LARGE1: variants seen among roughly 807,000 people sequenced by gnomAD.
LARGE1 encodes xylosyl- and glucuronyltransferase LARGE1.
LARGE1 carries 43 observed loss-of-function variants against 87.6 expected under a neutral mutation model. The observed-to-expected ratio is 0.49, with a 90% CI of 0.38 to 0.63. The LOEUF is 0.63. Ranked by LOEUF, LARGE1 falls within the 30% of genes least tolerant of loss-of-function variation. The pLI is 0.00. For synonymous variants in LARGE1, 434 were observed against 394.6 expected, an observed-to-expected ratio of 1.10 and a Z score of -1.18; for missense variants, 802 against 1,000.2, an observed-to-expected ratio of 0.80 and a Z score of 2.67.
At chr22:33,405,773 G>A (rs2066075716) in intron 7 of LARGE1, among the ~76,000 whole-genome samples, 1 of 152,208 alleles carries the variant, frequency 6.6e-6, no homozygotes, top group South Asian at 2.1e-4. Flanking sequence ...GCCTGGTGCA[G>A]AGTCAATGCT....
At chr22:33,377,104 GA>G (rs1350803152) in intron 9 of LARGE1, among the ~76,000 whole-genome samples, 2 of 152,164 alleles carry the variant, frequency 1.3e-5, no homozygotes, top group Non-Finnish European at 2.9e-5. Context: ...GGTGAAATAT[GA>G]ATGTTGCCAA....
intron 1 of LARGE1, among the ~76,000 whole-genome samples, chr22:33,857,950 C>G (rs1373720022): frequency 1.3e-5 from 2 of 152,162 alleles, no homozygotes; most frequent in Non-Finnish European, 2.9e-5. Context: ...TCGTGGCGGG[C>G]CGCTTCCAAA....
At chr22:33,318,895 T>C (rs1291916022) in intron 10 of LARGE1, among the ~76,000 whole-genome samples, 3 of 152,132 alleles carry the variant, frequency 2.0e-5, no homozygotes, top group Non-Finnish European at 4.4e-5. Flanking sequence ...CCATAGAATG[T>C]TTTTCCAAGA....
intron 11 of LARGE1, among the ~76,000 whole-genome samples, chr22:33,313,686 CCAT>C (rs1439085564): frequency 6.6e-6 from 1 of 152,124 alleles, no homozygotes; most frequent in Non-Finnish European, 1.5e-5. Context: ...AGGGGGACAC[CCAT>C]CAACAGCCAG....
At chr22:33,154,533 C>T in the LARGE1 span, among the ~76,000 whole-genome samples, 2 of 152,280 alleles carry the variant, frequency 1.3e-5, no homozygotes, top group South Asian at 2.1e-4. Flanking sequence ...AGCCACTGCG[C>T]CCAGCCAGGT....
At chr22:33,399,200 T>C (rs941130944) in intron 7 of LARGE1, among the ~76,000 whole-genome samples, 16 of 152,064 alleles carry the variant, frequency 1.1e-4, no homozygotes, top group African/African-American at 3.9e-4. Flanking sequence ...TGTGTTCTCA[T>C]TGTTCAACTC....
intron 2 of LARGE1, among the ~76,000 whole-genome samples, chr22:33,687,796 T>G (rs1375526055): frequency 6.6e-6 from 1 of 152,212 alleles, no homozygotes; most frequent in East Asian, 1.9e-4. Context: ...GTAGGCCTGA[T>G]GCCAACCTGA....
chr22:33,652,584 T>C (rs151172172), intron 2 of LARGE1, among the ~76,000 whole-genome samples: 18 of 152,232 alleles, frequency 1.2e-4, no homozygotes, highest in Non-Finnish European at 1.9e-4. Context: ...AGCATATCTC[T>C]AGAAAATCGT....
intron 1 of LARGE1, among the ~76,000 whole-genome samples, chr22:33,849,486 G>A (rs779928865): frequency 2.6e-5 from 4 of 151,754 alleles, no homozygotes; most frequent in African/African-American, 7.3e-5. Context: ...CGAGGGATGC[G>A]ATACATTATT....
intron 6 of LARGE1, among the ~76,000 whole-genome samples, chr22:33,530,591 T>C (rs1347601299): frequency 6.6e-6 from 1 of 152,128 alleles, no homozygotes; most frequent in Non-Finnish European, 1.5e-5. Context: ...ACTCTTGTTT[T>C]CTCTGGCCTT....
In LARGE1 at chr22:33,782,764, C is replaced by T. The variant is rs566672173; in HGVS notation, c.-82-21206G>A. Among the ~76,000 whole-genome samples the T allele has an allele frequency of 2.6e-5, 4 of 151,858 alleles. No individual in the cohort carries two copies. The East Asian group carries it at 7.8e-4, about 30-fold the overall frequency. On this transcript the variant is annotated intron_variant, in intron 1 of 14. Coordinates refer to ENST00000397394, the MANE Select transcript of LARGE1 (RefSeq NM_133642.5). ...CCTGTAATCCCAGCTACTCGGGAGG[C>T]TGAGGCAGAAGAATCACTTGAACCC...
At chr22:33,799,164 C>T (rs1281001967) in intron 1 of LARGE1, among the ~76,000 whole-genome samples, 2 of 152,058 alleles carry the variant, frequency 1.3e-5, no homozygotes, top group Non-Finnish European at 2.9e-5. Flanking sequence ...TGGTACCTTG[C>T]AAAATGTTCT....
At chr22:33,543,759 G>A (rs1266122869) in intron 6 of LARGE1, among the ~76,000 whole-genome samples, 3 of 152,206 alleles carry the variant, frequency 2.0e-5, no homozygotes, top group Non-Finnish European at 4.4e-5. Flanking sequence ...CAAGCTCTCA[G>A]ATCTGTTTGC....
At chr22:33,901,064 G>A (rs2065270122) in intron 1 of LARGE1, among the ~76,000 whole-genome samples, 2 of 152,136 alleles carry the variant, frequency 1.3e-5, no homozygotes, top group Admixed American at 1.3e-4. Flanking sequence ...AAAGGGAGGG[G>A]GGGTTGTTTG....
chr22:33,748,647 G>C (rs1003794419), intron 2 of LARGE1, among the ~76,000 whole-genome samples: 1 of 152,190 alleles, frequency 6.6e-6, no homozygotes, highest in Non-Finnish European at 1.5e-5. Context: ...GGAGGACTGG[G>C]ACTTAGACAG....
At chr22:33,860,724 C>A (rs893865922) in intron 1 of LARGE1, among the ~76,000 whole-genome samples, 1 of 152,184 alleles carries the variant, frequency 6.6e-6, no homozygotes, top group Non-Finnish European at 1.5e-5. Context: ...CAGCGCTCAC[C>A]AGGGCAAAGC....
chr22:33,663,829 T>A (rs1263528432), intron 2 of LARGE1, among the ~76,000 whole-genome samples: 3 of 152,228 alleles, frequency 2.0e-5, no homozygotes, highest in African/African-American at 7.2e-5. Flanking sequence ...AGTTCCTGAA[T>A]GCAGGGCTGG....
intron 7 of LARGE1, among the ~76,000 whole-genome samples, chr22:33,419,422 G>A (rs2066613592): frequency 6.6e-6 from 1 of 151,746 alleles, no homozygotes; most frequent in South Asian, 2.1e-4. Context: ...ATCATGAGAG[G>A]GAAACACGAT....
intron 6 of LARGE1, among the ~76,000 whole-genome samples, chr22:33,549,150 A>C (rs1313431108): frequency 1.3e-5 from 2 of 152,100 alleles, no homozygotes; most frequent in African/African-American, 4.8e-5. Flanking sequence ...CTCAATAAGG[A>C]CCCTGCATAC....
Sources: gnomAD v4.1 joint callset for allele counts (sites outside exome capture counted in the v4.1 genomes callset) on GRCh38, gnomAD v4.1.1 for gene constraint, MANE v1.5 for transcripts, NCBI Gene and HGNC (gene_info 2026-07-23, HGNC 2026-07-21) for gene names.